The following LTBP1 variants were observed in gnomAD, a reference collection of about 807,000 sequenced individuals.
LTBP1 encodes latent transforming growth factor beta binding protein 1, also known as latent-transforming growth factor beta-binding protein 1.
In LTBP1, 129 loss-of-function variants were observed where a neutral mutation model predicts 207.6. The observed-to-expected ratio is 0.62, with a 90% CI of 0.54 to 0.72. The LOEUF (loss-of-function observed/expected upper bound fraction) is 0.72, where lower values mean the gene tolerates loss of function less well. Ranked by LOEUF, LTBP1 falls within the 30% of genes least tolerant of loss-of-function variation. LTBP1 has a pLI of 0.00. For missense variants in LTBP1, 2,281 were observed against 2,217.2 expected (o/e 1.03, Z -0.58); for synonymous variants, 963 against 833.7 (o/e 1.16, Z -2.67).
intron 2 of LTBP1, among the ~76,000 whole-genome samples, chr2:32,987,333 C>G (rs749940191): frequency 1.3e-5 from 2 of 151,920 alleles, no homozygotes; most frequent in Non-Finnish European, 2.9e-5. Flanking sequence ...AATAGAAGAC[C>G]CTTGGGACTT....
Position 32,947,778 on chromosome 2 carries a change from G to A in LTBP1, c.454G>A (p.Gly152Ser). The change falls in exon 1 of 34, where the codon GGC (glycine) becomes AGC (serine). Residue 152 changes from glycine (G) to serine (S), a missense_variant. By Grantham distance (56) the Gly-to-Ser change is moderately conservative. Transcript: ENST00000404816. ...KVPQETQSGGGSRLQVHQKQQ... is the reference protein window; with the variant it reads ...KVPQETQSGGSSRLQVHQKQQ... Reference sequence around the variant, plus strand: ...GCCGCAGGAGACCCAGAGCGGCGGAGGCTCTAGGCTGCAGGTTCACCAGAA... The same window carrying A: ...GCCGCAGGAGACCCAGAGCGGCGGAAGCTCTAGGCTGCAGGTTCACCAGAA... 1 of 1,503,222 alleles carries A rather than the reference G, an allele frequency of 6.7e-7. No individual in the cohort carries two copies. Among genetic ancestry groups the A allele is most frequent in the Non-Finnish European group, 8.9e-7 (1 of 1,123,270 alleles). 93.1% of individuals were successfully genotyped at this position (1,503,222 alleles called of 1,614,324 possible).
intron 22 of LTBP1, among the ~76,000 whole-genome samples, chr2:33,302,166 A>C (rs961972509): frequency 2.6e-5 from 4 of 152,176 alleles, no homozygotes; most frequent in Non-Finnish European, 4.4e-5. Context: ...TGGGTGACTG[A>C]ACCAGGCCTG....
intron 3 of LTBP1, among the ~76,000 whole-genome samples, chr2:33,054,836 G>C (rs1301687611): frequency 6.6e-6 from 1 of 152,200 alleles, no homozygotes; most frequent in African/African-American, 2.4e-5. Context: ...CAGTCCTGTT[G>C]TTGGATCATC....
At chr2:33,270,463 G>T (rs1351611989) in intron 15 of LTBP1, among the ~76,000 whole-genome samples, 2 of 151,688 alleles carry the variant, frequency 1.3e-5, no homozygotes, top group Non-Finnish European at 2.9e-5. Flanking sequence ...GGTGGCGGGT[G>T]CCTGTAGTCC....
intron 2 of LTBP1, among the ~76,000 whole-genome samples, chr2:32,993,360 T>A (rs219161): frequency 0.26 from 40,107 of 151,936 alleles, 6,551 homozygotes; most frequent in Non-Finnish European, 0.38. Context: ...ATCTTAGAGT[T>A]CTCAGGAAAA....
chr2:33,040,309 G>A (rs141502216), intron 3 of LTBP1, among the ~76,000 whole-genome samples: 1,563 of 152,302 alleles, frequency 0.01, 18 homozygotes, highest in Non-Finnish European at 0.017. Context: ...TCCTGAGAGC[G>A]CTGTCTGCCA....
At chr2:33,012,222 A>G (rs1405458686) in intron 2 of LTBP1, among the ~76,000 whole-genome samples, 1 of 152,004 alleles carries the variant, frequency 6.6e-6, no homozygotes, top group Non-Finnish European at 1.5e-5. Flanking sequence ...TGTTGAATGA[A>G]TAAGGCATGA....
intron 31 of LTBP1, among the ~76,000 whole-genome samples, chr2:33,382,758 C>T (rs1224419312): frequency 6.6e-6 from 1 of 152,192 alleles, no homozygotes; most frequent in Non-Finnish European, 1.5e-5. Flanking sequence ...AGTGGAGAAA[C>T]AAGGACTAGA....
intron 5 of LTBP1, among the ~76,000 whole-genome samples, chr2:33,142,469 G>A (rs895496255): frequency 1.3e-5 from 2 of 151,250 alleles, no homozygotes; most frequent in South Asian, 2.1e-4. Context: ...TAGAGGGTGC[G>A]TGGTGGTGGT....
intron 3 of LTBP1, among the ~76,000 whole-genome samples, chr2:33,096,279 A>G (rs1558631329): frequency 6.6e-6 from 1 of 152,180 alleles, no homozygotes; most frequent in Non-Finnish European, 1.5e-5. Context: ...TATCCAAAGA[A>G]AAATCCTCCA....
intron 2 of LTBP1, among the ~76,000 whole-genome samples, chr2:33,012,746 T>C (rs903892591): frequency 1.3e-5 from 2 of 152,174 alleles, no homozygotes; most frequent in Non-Finnish European, 1.5e-5. Context: ...TTTAGAAAGG[T>C]ATTGTCTTCC....
intron 7 of LTBP1, among the ~76,000 whole-genome samples, chr2:33,216,723 TCAGG>T (rs2090736520): frequency 6.6e-6 from 1 of 152,212 alleles, no homozygotes; most frequent in East Asian, 1.9e-4. Context: ...GGTCCTCCCC[TCAGG>T]CTGGCCTTTG....
chr2:33,108,665 G>A (rs1229589695), intron 3 of LTBP1, among the ~76,000 whole-genome samples: 1 of 152,090 alleles, frequency 6.6e-6, no homozygotes, highest in Non-Finnish European at 1.5e-5. Context: ...GGAAAACTGG[G>A]TTTTCCTTTC....
At chr2:33,364,109 C>T (rs1460005254) in intron 29 of LTBP1, 107 bp from the exon 30 acceptor site, 4 of 1,058,464 alleles carry the variant, frequency 3.8e-6, no homozygotes, top group African/African-American at 3.2e-5. Flanking sequence ...TAAAATTTGG[C>T]AGCACCTGGA....
intron 3 of LTBP1, among the ~76,000 whole-genome samples, chr2:33,094,695 T>C (rs1483751726): frequency 6.6e-6 from 1 of 152,206 alleles, no homozygotes; most frequent in Non-Finnish European, 1.5e-5. Flanking sequence ...TATTATTCAG[T>C]GTGTTAGAGG....
intron 9 of LTBP1, among the ~76,000 whole-genome samples, chr2:33,227,388 C>G (rs1388797527): frequency 6.6e-6 from 1 of 152,024 alleles, no homozygotes; most frequent in African/African-American, 2.4e-5. Context: ...ACTGATAGAC[C>G]GTTTGTATTA....
chr2:33,317,214 G>T (rs1296393822), intron 24 of LTBP1, among the ~76,000 whole-genome samples: 1 of 152,120 alleles, frequency 6.6e-6, no homozygotes, highest in African/African-American at 2.4e-5. Context: ...GTGGTTTTAG[G>T]AAACTTGTAA....
At chr2:32,985,515 A>G (rs1349283618) in intron 2 of LTBP1, among the ~76,000 whole-genome samples, 2 of 152,180 alleles carry the variant, frequency 1.3e-5, no homozygotes, top group Non-Finnish European at 2.9e-5. Context: ...GAGCCCAGCT[A>G]CCAAGCCTGG....
In LTBP1 at chr2:33,215,721, TTG is replaced by T. The variant is rs1553456685; in HGVS notation, c.1702-1829_1702-1828del. 3.5e-5 allele frequency among the ~76,000 whole-genome samples: 5 copies of T among 144,824 alleles called. 1 individual carries two copies. The highest frequency in any genetic ancestry group is 5.2e-5 in the African/African-American group (2 of 38,128). ...ACTTCCATTGGTTTTCTTTTGTTTT[TTG>T]TTTTTTTTTTTTGAGATAGAGTCTC... On this transcript the variant is annotated intron_variant, in intron 7 of 33. Coordinates refer to ENST00000404816, the MANE Select transcript of LTBP1 (RefSeq NM_206943.4).
Sources: allele counts gnomAD v4.1 joint callset (sites outside exome capture counted in the v4.1 genomes callset), GRCh38; gene constraint gnomAD v4.1.1; transcripts MANE v1.5; gene names NCBI Gene and HGNC (gene_info 2026-07-23, HGNC 2026-07-21).